Variants in COL4A5 observed in about 807,000 individuals in gnomAD.
COL4A5 encodes collagen alpha-5(IV) chain.
In COL4A5, 26 loss-of-function variants were observed where a neutral mutation model predicts 130.2. That is an observed-to-expected ratio of 0.20 (90% CI 0.15 to 0.28). The LOEUF is 0.28. Among genes scored for constraint, COL4A5 ranks in the 10% least tolerant of loss-of-function variants. The pLI, the probability that COL4A5 is intolerant of heterozygous loss-of-function variation, is 1.00. For synonymous variants in COL4A5, 496 were observed against 439.6 expected (o/e 1.13, Z -1.60); for missense variants, 1,131 against 1,344.3 (o/e 0.84, Z 2.48).
At chrX:108,455,740 CT>C (rs1170332814) in intron 1 of COL4A5, among the ~76,000 whole-genome samples, 6 of 109,675 alleles carry the variant, frequency 5.5e-5, no homozygotes, top group South Asian at 3.9e-4. Flanking sequence ...AGAAAAATTC[CT>C]TTTTTTTTCA....
At position 108,686,013 on chromosome X, in the gene COL4A5, C is replaced by T; in HGVS notation, c.4217-18C>T. On this transcript the variant is annotated intron_variant, in intron 47 of 52. Transcript: ENST00000328300. The stretch of plus-strand genomic sequence containing the variant: ...AAATATTCTACTCATATTTGAATGC[C>T]TCATTCTTTTCCTGTAGGTCCAACT... 8.5e-7 allele frequency: 1 copy of T among 1,174,205 alleles called. No homozygotes were observed. The highest frequency in any genetic ancestry group is 1.2e-6 in the Non-Finnish European group (1 of 861,761).
intron 1 of COL4A5, among the ~76,000 whole-genome samples, chrX:108,528,992 T>C (rs2065353625): frequency 9.0e-6 from 1 of 111,678 alleles, no homozygotes. Flanking sequence ...TGCAAAGAAA[T>C]CTTCTCCATG....
At chrX:108,531,403 A>G (rs927365364) in intron 1 of COL4A5, among the ~76,000 whole-genome samples, 11 of 109,737 alleles carry the variant, frequency 1.0e-4, no homozygotes, top group African/African-American at 3.6e-4. Context: ...ATAAATAAAT[A>G]AAAATTTATT....
At chrX:108,490,804 C>T (rs903348791) in intron 1 of COL4A5, among the ~76,000 whole-genome samples, 9 of 110,388 alleles carry the variant, frequency 8.2e-5, no homozygotes, top group African/African-American at 3.0e-4. Context: ...ATCCTTCCAC[C>T]CTCTGTTCTC....
At chrX:108,696,189 A>G (rs2068729451) in intron 52 of COL4A5, 108 bp from the exon 53 acceptor site, 1 of 637,178 alleles carries the variant, frequency 1.6e-6, no homozygotes, top group Non-Finnish European at 2.7e-6. Flanking sequence ...TTAAGTCACC[A>G]AGAGAGCTAC....
intron 1 of COL4A5, among the ~76,000 whole-genome samples, chrX:108,470,260 G>A (rs970515014): frequency 8.9e-5 from 10 of 112,139 alleles, no homozygotes; most frequent in South Asian, 3.7e-4. Flanking sequence ...TTACACCAAC[G>A]GTGTACAAGC....
chrX:108,625,515 A>G (rs1405747674), intron 34 of COL4A5, among the ~76,000 whole-genome samples, 190 bp from the exon 35 acceptor site: 1 of 111,610 alleles, frequency 9.0e-6, no homozygotes, highest in Non-Finnish European at 1.9e-5. Flanking sequence ...GACCTCTATT[A>G]CTATGGTTAT....
chrX:108,689,029 G>A (rs2068601176), intron 49 of COL4A5, among the ~76,000 whole-genome samples: 1 of 111,508 alleles, frequency 9.0e-6, no homozygotes, highest in Non-Finnish European at 1.9e-5. Flanking sequence ...ATAATGTAAG[G>A]GTTTGCCCAA....
rs71946950 is a variant in COL4A5, at chrX:108,526,671, C to CTCTTTCTT, written c.82-13026_82-13019dup. ...TTCTTTCTTTCTTTCTTCTTTCTTT[C>CTCTTTCTT]TCTTTCTTTCTTTCTTTCTTTCTTT... On this transcript the variant is annotated intron_variant, in intron 1 of 52. Transcript: ENST00000328300. Among the ~76,000 whole-genome samples the CTCTTTCTT allele has an allele frequency of 8.8e-3, 369 of 41,838 alleles. 14 individuals carry two copies. The highest frequency in any genetic ancestry group is 0.015 in the East Asian group (18 of 1,185). 36.3% of individuals were successfully genotyped at this position (41,838 alleles called of 115,157 possible).
intron 1 of COL4A5, among the ~76,000 whole-genome samples, chrX:108,484,792 C>T (rs1001489596): frequency 7.1e-5 from 8 of 112,270 alleles, no homozygotes; most frequent in African/African-American, 1.6e-4. Context: ...CTCAATGCAA[C>T]GACTTCTTGG....
chrX:108,665,392 GTTTC>G, intron 37 of COL4A5, 111 bp from the exon 38 acceptor site: 1 of 507,300 alleles, frequency 2.0e-6, no homozygotes, highest in Non-Finnish European at 3.4e-6. Flanking sequence ...CATCTTTTGG[GTTTC>G]TTTTTGTTCT....
intron 1 of COL4A5, among the ~76,000 whole-genome samples, chrX:108,526,548 C>T (rs1395943657): frequency 9.8e-6 from 1 of 101,852 alleles, no homozygotes; most frequent in African/African-American, 3.6e-5. Flanking sequence ...CTCTCCCTTC[C>T]TTCCTTCCCT....
intron 1 of COL4A5, among the ~76,000 whole-genome samples, chrX:108,500,265 T>C (rs1194543573): frequency 8.9e-6 from 1 of 112,289 alleles, no homozygotes; most frequent in Non-Finnish European, 1.9e-5. Flanking sequence ...GAGCGGAACA[T>C]TAAATGATGT....
At chrX:108,626,717 A>G in intron 36 of COL4A5, 2 of 904,727 alleles carry the variant, frequency 2.2e-6, no homozygotes, top group Non-Finnish European at 2.7e-6. Context: ...CTTATAAACA[A>G]AGTGACAGTT....
intron 25 of COL4A5, among the ~76,000 whole-genome samples, chrX:108,599,251 CTGTCTTGACTTT>C (rs2066582752): frequency 8.9e-6 from 1 of 111,743 alleles, no homozygotes; most frequent in Non-Finnish European, 1.9e-5. Context: ...CTCCTGTCTG[CTGTCTTGACTTT>C]TACATAGTTT....
chrX:108,597,528 A>T lies in COL4A5; in HGVS notation c.1739A>T (p.Gln580Leu). ...CCTGGTTTACCTGGCACTCCTGGAC[A>T]GGATGGATTGCCAGGGCTTCCTGGC... is the stretch of plus-strand genomic sequence containing the variant. ...GLPGLPGTPG[Q>L]DGLPGLPGPK... Residue 580 changes from glutamine (Q) to leucine (L), a missense_variant, in exon 24 of 53, where the codon CAG becomes CTG. Coordinates refer to ENST00000328300, the MANE Select transcript of COL4A5 (RefSeq NM_033380.3). 8.3e-7 allele frequency: 1 copy of T among 1,210,719 alleles called. No homozygotes were observed. Among genetic ancestry groups the T allele is most frequent in the Non-Finnish European group, 1.1e-6 (1 of 895,245 alleles).
At chrX:108,561,410 T>G (rs765257158) in intron 3 of COL4A5, among the ~76,000 whole-genome samples, 22 of 111,241 alleles carry the variant, frequency 2.0e-4, no homozygotes, top group African/African-American at 6.2e-4. Context: ...GACTGCCATG[T>G]GGGCAGTCTG....
intron 2 of COL4A5, among the ~76,000 whole-genome samples, chrX:108,540,531 A>C (rs1248740893): frequency 1.8e-5 from 2 of 111,119 alleles, no homozygotes; most frequent in East Asian, 5.7e-4. Flanking sequence ...GCTCACTGCA[A>C]CCTCCGCCTC....
chrX:108,506,813 A>G (rs748731807), intron 1 of COL4A5, among the ~76,000 whole-genome samples: 1 of 110,555 alleles, frequency 9.0e-6, no homozygotes, highest in South Asian at 3.9e-4. Flanking sequence ...TGGGGCAGTC[A>G]TGGCTGACTG....
Sources: gnomAD v4.1 joint callset for allele counts (sites outside exome capture counted in the v4.1 genomes callset) on GRCh38, gnomAD v4.1.1 for gene constraint, MANE v1.5 for transcripts, NCBI Gene and HGNC (gene_info 2026-07-23, HGNC 2026-07-21) for gene names.